The following PPP3R1 variants were observed in gnomAD, a reference collection of about 807,000 sequenced individuals.
PPP3R1 encodes calcineurin subunit B type 1.
Under a neutral mutation model 22.6 loss-of-function variants are expected in PPP3R1, and 5 were observed. The observed-to-expected ratio is 0.22, with a 90% CI of 0.12 to 0.46. The LOEUF is 0.46. PPP3R1 is among the 20% of genes least tolerant of loss of function. The pLI is 0.99. For missense variants in PPP3R1, 61 were observed against 203.2 expected (o/e 0.30, Z 4.25); for synonymous variants, 56 against 65.2 (o/e 0.86, Z 0.68).
chr2:68,206,141 G>C (rs1675119234), intron 2 of PPP3R1, among the ~76,000 whole-genome samples: 1 of 152,092 alleles, frequency 6.6e-6, no homozygotes, highest in Non-Finnish European at 1.5e-5. Flanking sequence ...TCAAATACGT[G>C]AAAGAACAGA....
chr2:68,213,868 C>G lies in PPP3R1; in HGVS notation c.43+3224G>C, dbSNP rs182686784. Among the ~76,000 whole-genome samples the G allele has an allele frequency of 2.0e-5, 3 of 152,208 alleles. No individual in the cohort carries two copies. The Middle Eastern group carries it at 0.01, about 518-fold the overall frequency. On this transcript the variant is annotated intron_variant, in intron 2 of 5. Coordinates refer to ENST00000234310, the MANE Select transcript of PPP3R1 (RefSeq NM_000945.4). ...ATGGAACCAAAATAGCCAAGGCAAT[C>G]CTAAGCAAAAAGAATAAAGCTGGAG...
At chr2:68,187,555 C>T (rs994068204) in intron 3 of PPP3R1, among the ~76,000 whole-genome samples, 16 of 151,904 alleles carry the variant, frequency 1.1e-4, no homozygotes, top group African/African-American at 3.9e-4. Context: ...TTGTTAAGTG[C>T]AAGATAAAAG....
intron 5 of PPP3R1, 55 bp from the exon 6 acceptor site, chr2:68,181,065 G>T: frequency 6.6e-7 from 1 of 1,522,086 alleles, no homozygotes; most frequent in Non-Finnish European, 9.1e-7. Context: ...CTCCTCATTC[G>T]TGGTCTAACT....
intron 2 of PPP3R1, among the ~76,000 whole-genome samples, chr2:68,216,180 G>C (rs966895497): frequency 6.6e-6 from 1 of 151,990 alleles, no homozygotes; most frequent in Non-Finnish European, 1.5e-5. Flanking sequence ...ACTGGTCTAA[G>C]CTAAGTCTTA....
At chr2:68,208,282 C>G (rs1469844161) in intron 2 of PPP3R1, among the ~76,000 whole-genome samples, 1 of 152,194 alleles carries the variant, frequency 6.6e-6, no homozygotes, top group African/African-American at 2.4e-5. Context: ...AGTAATGACT[C>G]AAATAATAGT....
chr2:68,232,263 GTGTA>G (rs371422815), intron 1 of PPP3R1, among the ~76,000 whole-genome samples: 23,361 of 57,660 alleles, frequency 0.41, 2,458 homozygotes, highest in African/African-American at 0.48. Context: ...GTGTGTGTGT[GTGTA>G]TATATATATA....
intron 2 of PPP3R1, among the ~76,000 whole-genome samples, chr2:68,201,429 T>A (rs1674973401): frequency 6.6e-6 from 1 of 152,222 alleles, no homozygotes; most frequent in African/African-American, 2.4e-5. Context: ...TCTCGTTGAC[T>A]TTTATCTTAA....
chr2:68,200,346 T>TA (rs1479143819), intron 2 of PPP3R1, among the ~76,000 whole-genome samples: 2 of 152,138 alleles, frequency 1.3e-5, no homozygotes, highest in African/African-American at 4.8e-5. Flanking sequence ...CCTCCTTATA[T>TA]AAAAAATGAC....
At chr2:68,184,661 T>C (rs1350230785) in intron 5 of PPP3R1, among the ~76,000 whole-genome samples, 1 of 152,108 alleles carries the variant, frequency 6.6e-6, no homozygotes, top group Non-Finnish European at 1.5e-5. Flanking sequence ...GAAGTCAACA[T>C]AAAAAGAACT....
chr2:68,205,903 T>A (rs1336266186), intron 2 of PPP3R1, among the ~76,000 whole-genome samples: 2 of 151,960 alleles, frequency 1.3e-5, no homozygotes, highest in African/African-American at 2.4e-5. Flanking sequence ...CACAGCAACC[T>A]CCACCTCCTG....
At chr2:68,217,039 C>CACACACACAGAG in intron 2 of PPP3R1, 53 bp downstream of exon 2, 2 of 1,084,904 alleles carry the variant, frequency 1.8e-6, no homozygotes, top group East Asian at 5.3e-5. Flanking sequence ...CACACACACA[C>CACACACACAGAG]AGAGAGAGAT....
Position 68,178,984 on chromosome 2 carries a change from C to G in PPP3R1, c.*1979G>C, listed in dbSNP as rs1674344482. 7.8e-6 allele frequency: 1 copy of G among 127,398 alleles called. No individual in the cohort carries two copies. Among genetic ancestry groups the G allele is most frequent in the South Asian group, 2.7e-4 (1 of 3,766 alleles). The allele number at this position is 127,398 out of a possible 1,614,324, so 7.9% of individuals were successfully genotyped here. ...AACCATCCCCTCCCTTACCCACCCC[C>G]ACACACAAACTAAAAAAAAAAAAAA... On this transcript the variant is annotated 3_prime_UTR_variant, in exon 6 of 6. Transcript: ENST00000234310.
intron 1 of PPP3R1, among the ~76,000 whole-genome samples, chr2:68,226,471 CATATT>C (rs1334813066): frequency 1.3e-5 from 2 of 152,080 alleles, no homozygotes; most frequent in African/African-American, 4.8e-5. Flanking sequence ...TCACAGCTGT[CATATT>C]ATTCAAAATT....
intron 2 of PPP3R1, among the ~76,000 whole-genome samples, chr2:68,196,796 C>A (rs1674785322): frequency 6.6e-6 from 1 of 152,080 alleles, no homozygotes; most frequent in Non-Finnish European, 1.5e-5. Context: ...GTGATCTCAG[C>A]TCACTGTAAC....
At chr2:68,248,117 A>C (rs1287509204) in intron 1 of PPP3R1, among the ~76,000 whole-genome samples, 1 of 152,152 alleles carries the variant, frequency 6.6e-6, no homozygotes, top group Non-Finnish European at 1.5e-5. Flanking sequence ...ACGCTAAACT[A>C]ACACTGTAGT....
intron 1 of PPP3R1, among the ~76,000 whole-genome samples, chr2:68,217,864 A>G (rs1669609015): frequency 6.6e-6 from 1 of 152,152 alleles, no homozygotes; most frequent in South Asian, 2.1e-4. Flanking sequence ...TAGAAAAACT[A>G]GAGACCTGGG....
chr2:68,208,066 CT>C (rs1371821562), intron 2 of PPP3R1, among the ~76,000 whole-genome samples: 4 of 152,074 alleles, frequency 2.6e-5, no homozygotes, highest in Non-Finnish European at 5.9e-5. Flanking sequence ...TGAGAGAGAA[CT>C]GCTTAAACCC....
chr2:68,232,223 ATGTGTGTG>A lies in PPP3R1; in HGVS notation c.4-15100_4-15093del, dbSNP rs76815812. 7.0e-4 allele frequency among the ~76,000 whole-genome samples: 32 copies of A among 45,760 alleles called. 1 individual carries two copies. Among genetic ancestry groups the A allele is most frequent in the South Asian group, 2.9e-3 (4 of 1,382 alleles). 30.0% of individuals were successfully genotyped at this position (45,760 alleles called of 152,430 possible). On this transcript the variant is annotated intron_variant, in intron 1 of 5. Coordinates refer to ENST00000234310, the MANE Select transcript of PPP3R1 (RefSeq NM_000945.4). ...TTATATACATATTGTATATGTATAT[ATGTGTGTG>A]TGTGTGTGTGTGTGTGTGTGTGTGT...
At chr2:68,205,495 C>G (rs1253187554) in intron 2 of PPP3R1, among the ~76,000 whole-genome samples, 1 of 152,084 alleles carries the variant, frequency 6.6e-6, no homozygotes, top group East Asian at 1.9e-4. Context: ...CTCGGCCTCC[C>G]AAAGTGCTGG....
Sources: allele counts gnomAD v4.1 joint callset (sites outside exome capture counted in the v4.1 genomes callset), GRCh38; gene constraint gnomAD v4.1.1; transcripts MANE v1.5; gene names NCBI Gene and HGNC (gene_info 2026-07-23, HGNC 2026-07-21).